Variants in SCFD2 observed in about 807,000 individuals in gnomAD.
The protein encoded by SCFD2 is sec1 family domain containing 2.
In SCFD2, 54 loss-of-function variants were observed where a neutral mutation model predicts 58.9. That is an observed-to-expected ratio of 0.92 (90% CI 0.74 to 1.15). SCFD2 has a LOEUF of 1.15. SCFD2 is among the 50% of genes most tolerant of loss of function. SCFD2 has a pLI of 0.00. For synonymous variants in SCFD2, 321 were observed against 335.9 expected (o/e 0.96, Z 0.49); for missense variants, 805 against 836.6 (o/e 0.96, Z 0.47).
At chr4:52,886,311 C>T (rs1043318693) in intron 7 of SCFD2, among the ~76,000 whole-genome samples, 5 of 152,202 alleles carry the variant, frequency 3.3e-5, no homozygotes, top group African/African-American at 1.2e-4. Context: ...AGAGAAAAAC[C>T]ACCTGACTTC....
intron 4 of SCFD2, among the ~76,000 whole-genome samples, chr4:53,189,583 A>C (rs1007305938): frequency 1.3e-5 from 2 of 152,200 alleles, no homozygotes; most frequent in African/African-American, 4.8e-5. Flanking sequence ...TCTTCTTATA[A>C]GGGTACTAAT....
chr4:53,033,293 A>G (rs1722666817), intron 5 of SCFD2, among the ~76,000 whole-genome samples: 1 of 152,210 alleles, frequency 6.6e-6, no homozygotes, highest in Admixed American at 6.5e-5. Context: ...ACAACATACC[A>G]GAATCTCTAG....
chr4:53,198,538 T>C (rs1365218709), intron 4 of SCFD2, among the ~76,000 whole-genome samples: 1 of 152,070 alleles, frequency 6.6e-6, no homozygotes, highest in African/African-American at 2.4e-5. Flanking sequence ...TGCTATAAAT[T>C]TTCAGTTTCA....
chr4:53,169,024 G>A (rs1314439949), intron 4 of SCFD2, among the ~76,000 whole-genome samples: 4 of 152,180 alleles, frequency 2.6e-5, no homozygotes, highest in African/African-American at 9.6e-5. Context: ...TATTTCACTT[G>A]ACATAATGTA....
At chr4:52,930,585 T>C (rs1719968519) in intron 5 of SCFD2, among the ~76,000 whole-genome samples, 1 of 152,174 alleles carries the variant, frequency 6.6e-6, no homozygotes, top group Non-Finnish European at 1.5e-5. Context: ...CAACTATTTC[T>C]AAAAATTTTC....
chr4:52,930,107 C>T (rs1719954589), intron 5 of SCFD2, among the ~76,000 whole-genome samples: 1 of 152,146 alleles, frequency 6.6e-6, no homozygotes, highest in Non-Finnish European at 1.5e-5. Context: ...TCAAACTATA[C>T]TACAAGACTA....
intron 5 of SCFD2, among the ~76,000 whole-genome samples, chr4:52,971,137 C>T (rs1357662695): frequency 6.6e-6 from 1 of 152,178 alleles, no homozygotes; most frequent in Non-Finnish European, 1.5e-5. Context: ...AACCCAGCTC[C>T]TCACCAGCAA....
chr4:53,023,673 C>T (rs189324610), intron 5 of SCFD2, among the ~76,000 whole-genome samples: 2 of 152,192 alleles, frequency 1.3e-5, no homozygotes, highest in African/African-American at 2.4e-5. Context: ...TTTAGCTTCA[C>T]GTTTTCTATT....
intron 5 of SCFD2, among the ~76,000 whole-genome samples, chr4:52,959,059 A>G (rs1280551193): frequency 6.6e-6 from 1 of 152,166 alleles, no homozygotes; most frequent in Admixed American, 6.5e-5. Flanking sequence ...AGAGTGCCTC[A>G]TGGTTCAGAG....
intron 5 of SCFD2, among the ~76,000 whole-genome samples, chr4:53,049,398 G>A (rs1173895173): frequency 6.6e-6 from 1 of 152,180 alleles, no homozygotes; most frequent in African/African-American, 2.4e-5. Context: ...GTGGTATAGT[G>A]CATACCATGT....
At chr4:53,192,519 C>T (rs1727944297) in intron 4 of SCFD2, among the ~76,000 whole-genome samples, 1 of 152,118 alleles carries the variant, frequency 6.6e-6, no homozygotes, top group African/African-American at 2.4e-5. Context: ...ACATAAACTA[C>T]TGTATTCTAA....
chr4:52,900,777 G>C (rs924380519), intron 7 of SCFD2, among the ~76,000 whole-genome samples: 2 of 152,202 alleles, frequency 1.3e-5, no homozygotes, highest in Non-Finnish European at 2.9e-5. Context: ...CTTGAGCTGT[G>C]GTGGGCTCCT....
chr4:53,103,849 G>A (rs1577729789), intron 5 of SCFD2, among the ~76,000 whole-genome samples: 1 of 103,718 alleles, frequency 9.6e-6, no homozygotes. Flanking sequence ...TGACAACACA[G>A]ATGCCACTGA....
At chr4:52,999,912 G>T (rs919887905) in intron 5 of SCFD2, among the ~76,000 whole-genome samples, 3 of 152,204 alleles carry the variant, frequency 2.0e-5, no homozygotes, top group African/African-American at 7.2e-5. Context: ...GATGGCAGTC[G>T]CTGAGCTGCT....
At chr4:53,354,712 G>C (rs1055097716) in intron 1 of SCFD2, among the ~76,000 whole-genome samples, 8 of 152,180 alleles carry the variant, frequency 5.3e-5, no homozygotes, top group African/African-American at 1.9e-4. Context: ...TATCTAGTCA[G>C]TCAGGTAAAT....
At chr4:53,113,458 T>C (rs1725229138) in intron 5 of SCFD2, among the ~76,000 whole-genome samples, 1 of 152,118 alleles carries the variant, frequency 6.6e-6, no homozygotes, top group South Asian at 2.1e-4. Flanking sequence ...CTCACAGACA[T>C]GTAGCATAAG....
chr4:52,900,967 G>T (rs1392464392), intron 7 of SCFD2, among the ~76,000 whole-genome samples: 1 of 152,246 alleles, frequency 6.6e-6, no homozygotes, highest in East Asian at 1.9e-4. Context: ...ATCTCCTGGT[G>T]TGCCGTTTGT....
intron 2 of SCFD2, among the ~76,000 whole-genome samples, chr4:53,323,915 A>G (rs993075741): frequency 6.6e-5 from 10 of 152,092 alleles, no homozygotes; most frequent in Non-Finnish European, 8.8e-5. Context: ...TTCCTTCTAA[A>G]TTTTTGCAGC....
intron 5 of SCFD2, among the ~76,000 whole-genome samples, chr4:53,092,802 G>A (rs954526956): frequency 3.9e-5 from 6 of 152,026 alleles, no homozygotes; most frequent in African/African-American, 1.4e-4. Context: ...ATTTCCATGA[G>A]GTAGGTAGGG....
Sources: gnomAD v4.1 joint callset for allele counts (sites outside exome capture counted in the v4.1 genomes callset) on GRCh38, gnomAD v4.1.1 for gene constraint, MANE v1.5 for transcripts, NCBI Gene and HGNC (gene_info 2026-07-23, HGNC 2026-07-21) for gene names.